Variants in TMEM165 observed in about 807,000 individuals in gnomAD.
TMEM165 encodes the protein transmembrane protein 165.
A neutral mutation model predicts 30.0 loss-of-function variants in TMEM165; 19 were observed. The ratio of observed to expected loss-of-function variants is 0.63; its 90% confidence interval spans 0.44 to 0.93. The LOEUF (loss-of-function observed/expected upper bound fraction) is 0.93. TMEM165 is among the 40% of genes least tolerant of loss of function. The pLI is 0.00. For missense variants in TMEM165, 340 were observed against 417.0 expected (o/e 0.82, Z 1.61); for synonymous variants, 168 against 162.9 (o/e 1.03, Z -0.24).
chr4:55,404,495 A>T (rs185655977), intron 1 of TMEM165, among the ~76,000 whole-genome samples: 15 of 151,842 alleles, frequency 9.9e-5, no homozygotes, highest in Non-Finnish European at 1.6e-4. Context: ...GCACAATCAT[A>T]GCTTACTGCA....
intron 3 of TMEM165, chr4:55,444,831 T>G: frequency 6.4e-7 from 1 of 1,574,782 alleles, no homozygotes; most frequent in Non-Finnish European, 8.7e-7. Context: ...TTAGAATTAC[T>G]TACTCCTTAT....
In TMEM165 at chr4:55,426,045, A is replaced by AAAC. The variant is rs1217410332; in HGVS notation, c.*595_*597dup. 6.6e-6 allele frequency: 1 copy of AAAC among 152,164 alleles called. No homozygotes were observed. The highest frequency in any genetic ancestry group is 1.5e-5 in the Non-Finnish European group (1 of 68,028). 9.4% of individuals were successfully genotyped at this position (152,164 alleles called of 1,614,324 possible). A position where few individuals can be genotyped will look rare whatever the true frequency, so the allele number is the denominator to read the frequency against. On this transcript the variant is annotated 3_prime_UTR_variant, in exon 6 of 6. Transcript: ENST00000381334. ...TAATTGGGTAGGACACCCAATATAA[A>AAAC]AACAGTCAATATTTGACAATGTGGA...
At chr4:55,444,075 C>A (rs1723592262) in intron 3 of TMEM165, among the ~76,000 whole-genome samples, 1 of 152,164 alleles carries the variant, frequency 6.6e-6, no homozygotes, top group African/African-American at 2.4e-5. Context: ...TATATTCAAT[C>A]TTTCAGTTAT....
At chr4:55,421,297 C>CTTTTT (rs766025971) in intron 4 of TMEM165, among the ~76,000 whole-genome samples, 277 of 105,848 alleles carry the variant, frequency 2.6e-3, no homozygotes, top group Middle Eastern at 5.1e-3. Context: ...TTCTTTCTTT[C>CTTTTT]TTTTTTTTTT....
intron 1 of TMEM165, chr4:55,398,968 A>G (rs1442868571): frequency 2.6e-5 from 4 of 152,066 alleles, no homozygotes. Flanking sequence ...AATTAAGAGA[A>G]CTAAGCTTTT....
intron 1 of TMEM165, among the ~76,000 whole-genome samples, chr4:55,404,965 C>G (rs962169842): frequency 1.3e-5 from 2 of 152,100 alleles, no homozygotes; most frequent in Non-Finnish European, 1.5e-5. Context: ...TATCTCGCAT[C>G]TAGTTAGTAG....
chr4:55,450,424 T>C (rs1021778574), intron 3 of TMEM165, among the ~76,000 whole-genome samples: 14 of 152,320 alleles, frequency 9.2e-5, no homozygotes, highest in Admixed American at 1.3e-4. Flanking sequence ...CATTTTCTAT[T>C]TAAAGAAAGA....
intron 1 of TMEM165, among the ~76,000 whole-genome samples, chr4:55,396,837 C>T (rs934858238): frequency 6.6e-6 from 1 of 152,208 alleles, no homozygotes; most frequent in Non-Finnish European, 1.5e-5. Flanking sequence ...CAACTTGGCA[C>T]TGCCTGTGCT....
chr4:55,446,101 CTTTTTT>C (rs766235766), intron 3 of TMEM165, among the ~76,000 whole-genome samples: 1 of 107,372 alleles, frequency 9.3e-6, no homozygotes. Flanking sequence ...AATTTAACTT[CTTTTTT>C]TTTTTTTTTT....
intron 3 of TMEM165, chr4:55,438,362 T>TCTGCTG (rs753230415): frequency 8.1e-6 from 13 of 1,613,046 alleles, no homozygotes; most frequent in African/African-American, 8.0e-5. Context: ...TCCTGGGAGC[T>TCTGCTG]CTGCTGCTGC....
intron 4 of TMEM165, 108 bp from the exon 5 acceptor site, chr4:55,424,430 A>G: frequency 1.5e-6 from 1 of 673,984 alleles, no homozygotes; most frequent in Non-Finnish European, 2.7e-6. Flanking sequence ...TATAACTATT[A>G]TGCTTTTTAA....
At chr4:55,401,933 A>G (rs1300822918) in intron 1 of TMEM165, among the ~76,000 whole-genome samples, 1 of 149,906 alleles carries the variant, frequency 6.7e-6, no homozygotes, top group Non-Finnish European at 1.5e-5. Context: ...CCTGGCCAAC[A>G]TGATGAAACC....
At chr4:55,426,883 T>TA (rs1560400190), downstream of TMEM165, among the ~76,000 whole-genome samples, 2 of 152,148 alleles carry the variant, frequency 1.3e-5, no homozygotes, top group African/African-American at 4.8e-5. Context: ...CACATGTTGG[T>TA]AAAAAAGGTC....
intron 4 of TMEM165, chr4:55,424,279 CTT>C: frequency 2.2e-6 from 1 of 462,252 alleles, no homozygotes; most frequent in Non-Finnish European, 3.8e-6. Context: ...GTTCGATTAG[CTT>C]TATTTCATCA....
intron 2 of TMEM165, among the ~76,000 whole-genome samples, chr4:55,414,186 C>T (rs768635969): frequency 2.0e-5 from 3 of 151,724 alleles, no homozygotes; most frequent in East Asian, 1.9e-4. Flanking sequence ...AGGAGAATGG[C>T]GTCAACCCGG....
chr4:55,428,865 G>C (rs1467408837), downstream of TMEM165: 2 of 149,790 alleles, frequency 1.3e-5, no homozygotes, highest in African/African-American at 4.9e-5. Flanking sequence ...TCTTTACATA[G>C]AGTGAATATG....
intron 4 of TMEM165, chr4:55,423,087 C>T (rs1053641941): frequency 6.6e-6 from 1 of 151,982 alleles, no homozygotes; most frequent in Non-Finnish European, 1.5e-5. Flanking sequence ...GAACTACATG[C>T]ATGAACCACT....
At position 55,403,496 on chromosome 4, in the gene TMEM165, TTC is replaced by T. The variant is rs74266176; in HGVS notation, c.207+7102_207+7103del. Among the ~76,000 whole-genome samples, 159 of 144,924 alleles carry T rather than the reference TTC, an allele frequency of 1.1e-3. 1 individual carries two copies. Among genetic ancestry groups the T allele is most frequent in the African/African-American group, 3.9e-3 (148 of 38,262 alleles). On this transcript the variant is annotated intron_variant, in intron 1 of 5. Transcript: ENST00000381334. ...TCTAAATGAGGGTGCCTTTTTCTTT[TTC>T]TTTTTTTTTTTTTTACAATTTTTAC... is the stretch of plus-strand genomic sequence containing the variant.
intron 3 of TMEM165, chr4:55,434,623 A>T (rs1050649088): frequency 1.3e-5 from 2 of 152,594 alleles, no homozygotes; most frequent in Non-Finnish European, 2.9e-5. Context: ...GCAGCACATC[A>T]TACCTCACTG....
Sources: allele counts gnomAD v4.1 joint callset (sites outside exome capture counted in the v4.1 genomes callset), GRCh38; gene constraint gnomAD v4.1.1; transcripts MANE v1.5; gene names NCBI Gene and HGNC (gene_info 2026-07-23, HGNC 2026-07-21).